Variants in CNTNAP2 observed in about 807,000 individuals in gnomAD.
CNTNAP2 encodes the protein contactin associated protein 2, also known as contactin-associated protein-like 2.
Under a neutral mutation model 155.2 loss-of-function variants are expected in CNTNAP2, and 98 were observed. The ratio of observed to expected loss-of-function variants is 0.63; its 90% CI spans 0.54 to 0.75. CNTNAP2 has a LOEUF of 0.75. Among genes scored for constraint, CNTNAP2 ranks in the 30% least tolerant of loss-of-function variants. The pLI is 0.00. For missense variants in CNTNAP2, 1,727 were observed against 1,688.1 expected (o/e 1.02, Z -0.40); for synonymous variants, 651 against 631.2 (o/e 1.03, Z -0.47).
chr7:147,779,457 A>C (rs1456011812), intron 13 of CNTNAP2, among the ~76,000 whole-genome samples: 3 of 152,232 alleles, frequency 2.0e-5, no homozygotes, highest in African/African-American at 7.2e-5. Flanking sequence ...AGAAGAAAAA[A>C]AGATCTCTGT....
At chr7:147,587,338 C>T (rs571624855) in intron 12 of CNTNAP2, among the ~76,000 whole-genome samples, 2 of 152,284 alleles carry the variant, frequency 1.3e-5, no homozygotes, top group African/African-American at 4.8e-5. Flanking sequence ...AAATGTTACA[C>T]CTGTGTTTTT....
At chr7:147,246,608 G>A (rs745649352) in intron 8 of CNTNAP2, among the ~76,000 whole-genome samples, 2 of 152,152 alleles carry the variant, frequency 1.3e-5, no homozygotes, top group South Asian at 2.1e-4. Flanking sequence ...TAATCTAATC[G>A]CCTCCCAAGA....
intron 3 of CNTNAP2, among the ~76,000 whole-genome samples, chr7:146,979,296 C>G (rs1296323922): frequency 6.6e-6 from 1 of 152,116 alleles, no homozygotes; most frequent in African/African-American, 2.4e-5. Flanking sequence ...GCCACACTGG[C>G]CGCCTTCTAT....
chr7:146,463,035 A>G lies in CNTNAP2; in HGVS notation c.98-311236A>G, dbSNP rs555221497. On this transcript the variant is annotated intron_variant, in intron 1 of 23. Transcript: ENST00000361727. ...AGGTAGGCCTACACTCCAGTTCGTCATGGGAGCAAGGGAAGGGCAGAAAGA... is the reference window on the plus strand; with the variant it reads ...AGGTAGGCCTACACTCCAGTTCGTCGTGGGAGCAAGGGAAGGGCAGAAAGA... Among the ~76,000 whole-genome samples the G allele has an allele frequency of 3.3e-5, 5 of 152,240 alleles. No individual in the cohort carries two copies. In the East Asian group the frequency reaches 5.8e-4, roughly 18 times the overall value.
intron 13 of CNTNAP2, among the ~76,000 whole-genome samples, chr7:147,743,560 A>G (rs1233076200): frequency 6.6e-6 from 1 of 151,900 alleles, no homozygotes; most frequent in African/African-American, 2.4e-5. Flanking sequence ...TGGACGCCTA[A>G]CTCTTACCCT....
Position 146,262,419 on chromosome 7 carries a change from T to C in CNTNAP2, c.97+145446T>C, listed in dbSNP as rs148010856. The stretch of plus-strand genomic sequence containing the variant: ...AGTGCTCTGGATAATTTCCTTCCCC[T>C]AGATGGTTCCAGGAAATCCAGTTGA... On this transcript the variant is annotated intron_variant, in intron 1 of 23. Coordinates refer to ENST00000361727, the MANE Select transcript of CNTNAP2 (RefSeq NM_014141.6). Among the ~76,000 whole-genome samples, 386 of 152,290 alleles carry C rather than the reference T, an allele frequency of 2.5e-3. 4 individuals are homozygous for C. Among genetic ancestry groups the C allele is most frequent in the African/African-American group, 8.9e-3 (370 of 41,558 alleles).
At chr7:146,665,293 C>A (rs1268157182) in intron 1 of CNTNAP2, among the ~76,000 whole-genome samples, 4 of 152,182 alleles carry the variant, frequency 2.6e-5, no homozygotes, top group Non-Finnish European at 5.9e-5. Flanking sequence ...CTCTTTCTGT[C>A]AGTAATCTGG....
intron 1 of CNTNAP2, among the ~76,000 whole-genome samples, chr7:146,452,552 C>T (rs1354009965): frequency 6.6e-6 from 1 of 152,178 alleles, no homozygotes; most frequent in Non-Finnish European, 1.5e-5. Context: ...GTCTAATTCT[C>T]TTTGATCCTC....
In CNTNAP2 at chr7:147,605,884, T is replaced by C. The variant is rs1271127096; in HGVS notation, c.1898-33222T>C. Reference sequence around the variant, plus strand: ...TTATTTCTCTTTCTCTCTGTCCCTCTTCCCTTCTCTCTCTCTCTCTTTCTC... The same window carrying C: ...TTATTTCTCTTTCTCTCTGTCCCTCCTCCCTTCTCTCTCTCTCTCTTTCTC... On this transcript the variant is annotated intron_variant, in intron 12 of 23. Transcript: ENST00000361727. 2.0e-5 allele frequency among the ~76,000 whole-genome samples: 3 copies of C among 151,928 alleles called. No homozygotes were observed. In the East Asian group the frequency reaches 5.8e-4, roughly 29 times the overall value.
At chr7:147,406,831 A>G (rs1294066417) in intron 10 of CNTNAP2, among the ~76,000 whole-genome samples, 1 of 152,208 alleles carries the variant, frequency 6.6e-6, no homozygotes, top group African/African-American at 2.4e-5. Flanking sequence ...AGGGTGTCTT[A>G]ATCAGTAAAC....
rs144576860 is a variant in CNTNAP2, at chr7:147,417,240, T to C, written c.1670+21460T>C. ...GTTTATCCAGGCTGCTATAACAGAA[T>C]ACCATAGACTAGCTCATAAACGATA... On this transcript the variant is annotated intron_variant, in intron 10 of 23. Transcript: ENST00000361727. Among the ~76,000 whole-genome samples the C allele has an allele frequency of 6.6e-3, 1,011 of 152,318 alleles. 11 individuals are homozygous for C. The highest frequency in any genetic ancestry group is 0.023 in the African/African-American group (949 of 41,572).
intron 1 of CNTNAP2, among the ~76,000 whole-genome samples, chr7:146,473,538 T>C (rs1426315483): frequency 6.6e-6 from 1 of 152,180 alleles, no homozygotes; most frequent in Non-Finnish European, 1.5e-5. Flanking sequence ...AAACCATCTC[T>C]TGATTTCCAG....
intron 9 of CNTNAP2, among the ~76,000 whole-genome samples, chr7:147,354,728 G>A (rs1383313875): frequency 6.6e-6 from 1 of 152,142 alleles, no homozygotes; most frequent in African/African-American, 2.4e-5. Context: ...ACTTTGGGCA[G>A]TATGGCCATT....
At chr7:147,344,762 C>T (rs1364588681) in intron 9 of CNTNAP2, among the ~76,000 whole-genome samples, 1 of 152,028 alleles carries the variant, frequency 6.6e-6, no homozygotes, top group Non-Finnish European at 1.5e-5. Flanking sequence ...GATGTTATTA[C>T]TGTTAATATT....
intron 13 of CNTNAP2, among the ~76,000 whole-genome samples, chr7:147,690,487 G>A (rs1157313714): frequency 2.0e-5 from 3 of 152,032 alleles, no homozygotes; most frequent in Non-Finnish European, 4.4e-5. Context: ...AGGCATTTAC[G>A]ATGATGGTGA....
intron 2 of CNTNAP2, among the ~76,000 whole-genome samples, chr7:146,800,127 G>T (rs775922296): frequency 6.6e-6 from 1 of 151,970 alleles, no homozygotes; most frequent in Admixed American, 6.6e-5. Flanking sequence ...CCATGCTTAG[G>T]TACTGATCAC....
chr7:146,222,981 A>G (rs949390915), intron 1 of CNTNAP2, among the ~76,000 whole-genome samples: 2 of 152,078 alleles, frequency 1.3e-5, no homozygotes, highest in African/African-American at 4.8e-5. Flanking sequence ...ATTTTTTAAG[A>G]TGACAGTGAG....
chr7:146,712,205 A>G (rs1801098207), intron 1 of CNTNAP2, among the ~76,000 whole-genome samples: 1 of 123,542 alleles, frequency 8.1e-6, no homozygotes, highest in East Asian at 2.4e-4. Context: ...ACAAATATGT[A>G]TACATATCTT....
At chr7:148,260,678 C>G (rs915160826) in intron 20 of CNTNAP2, among the ~76,000 whole-genome samples, 2 of 152,208 alleles carry the variant, frequency 1.3e-5, no homozygotes, top group African/African-American at 4.8e-5. Context: ...TTCCTAGTGG[C>G]CCCCTAGGGC....
Sources: gnomAD v4.1 joint callset for allele counts (sites outside exome capture counted in the v4.1 genomes callset) on GRCh38, gnomAD v4.1.1 for gene constraint, MANE v1.5 for transcripts, NCBI Gene and HGNC (gene_info 2026-07-23, HGNC 2026-07-21) for gene names.